Variants in SLC24A3 observed in about 807,000 individuals in gnomAD.
SLC24A3 encodes the protein sodium/potassium/calcium exchanger 3.
A neutral mutation model predicts 75.8 loss-of-function variants in SLC24A3; 28 were observed. The ratio of observed to expected loss-of-function variants is 0.37; its 90% CI spans 0.27 to 0.51. The LOEUF is 0.51. Among genes scored for constraint, SLC24A3 ranks in the 20% least tolerant of loss-of-function variants. SLC24A3 has a pLI of 0.94. For missense variants in SLC24A3, 663 were observed against 847.8 expected, an observed-to-expected ratio of 0.78 and a Z score of 2.71; for synonymous variants, 372 against 334.1, an observed-to-expected ratio of 1.11 and a Z score of -1.24.
chr20:19,515,117 G>A (rs1358113159), intron 2 of SLC24A3, among the ~76,000 whole-genome samples: 2 of 152,234 alleles, frequency 1.3e-5, no homozygotes, highest in African/African-American at 4.8e-5. Flanking sequence ...AGCTGTCAAA[G>A]TATTAGAAAA....
chr20:19,406,926 C>T (rs936050337), intron 2 of SLC24A3, among the ~76,000 whole-genome samples: 2 of 152,106 alleles, frequency 1.3e-5, no homozygotes, highest in African/African-American at 4.8e-5. Context: ...GGGAGGGGTC[C>T]AGTAAGAGAA....
rs181879175 is a variant in SLC24A3 at position 19,350,191 on chromosome 20, A to G, written c.271+69104A>G. On this transcript the variant is annotated intron_variant, in intron 2 of 16. Transcript: ENST00000328041. ...GGGAGTTTATATATGAATAATGGGAAATAACTTTTTTATGTGATATTTCAT... is the reference window on the plus strand; with the variant it reads ...GGGAGTTTATATATGAATAATGGGAGATAACTTTTTTATGTGATATTTCAT... Among the ~76,000 whole-genome samples the G allele has an allele frequency of 1.2e-4, 19 of 152,304 alleles. No homozygotes were observed. In the East Asian group the frequency reaches 3.7e-3, roughly 29 times the overall value.
intron 3 of SLC24A3, among the ~76,000 whole-genome samples, chr20:19,539,266 T>C (rs2030455179): frequency 6.6e-6 from 1 of 152,222 alleles, no homozygotes; most frequent in Non-Finnish European, 1.5e-5. Context: ...GTGTTGCTGG[T>C]GACATGGCAG....
intron 2 of SLC24A3, among the ~76,000 whole-genome samples, chr20:19,482,103 G>C (rs375680239): frequency 2.0e-5 from 3 of 152,204 alleles, no homozygotes; most frequent in East Asian, 3.9e-4. Context: ...CAGCCAGAAT[G>C]ATCCTTCAAG....
intron 2 of SLC24A3, among the ~76,000 whole-genome samples, chr20:19,434,285 G>T (rs73900114): frequency 0.027 from 4,167 of 152,264 alleles, 167 homozygotes; most frequent in East Asian, 0.1. Context: ...GCATCCATCA[G>T]CCCCTTTTGA....
At chr20:19,358,248 G>A (rs1020349058) in intron 2 of SLC24A3, among the ~76,000 whole-genome samples, 1 of 152,202 alleles carries the variant, frequency 6.6e-6, no homozygotes, top group African/African-American at 2.4e-5. Context: ...AAGGAGGTGA[G>A]TGAGTGACCT....
chr20:19,572,089 C>A (rs557027784), intron 3 of SLC24A3, among the ~76,000 whole-genome samples: 1 of 152,290 alleles, frequency 6.6e-6, no homozygotes, highest in Admixed American at 6.5e-5. Flanking sequence ...GTAATCCCAG[C>A]AACTCAGAAG....
intron 6 of SLC24A3, among the ~76,000 whole-genome samples, chr20:19,632,793 G>A (rs1486378615): frequency 6.6e-6 from 1 of 152,108 alleles, no homozygotes. Flanking sequence ...ATGCTGAAAG[G>A]CTCTAGGCAC....
At chr20:19,567,683 A>G (rs770544447) in intron 3 of SLC24A3, among the ~76,000 whole-genome samples, 19 of 152,332 alleles carry the variant, frequency 1.2e-4, no homozygotes, top group East Asian at 9.6e-4. Context: ...TAAACTTTCT[A>G]ACCAAATCCA....
chr20:19,624,533 A>G (rs1017956182), intron 6 of SLC24A3, among the ~76,000 whole-genome samples: 5 of 152,150 alleles, frequency 3.3e-5, no homozygotes, highest in African/African-American at 7.2e-5. Context: ...AAGTCTTCTC[A>G]TGGTGATGGC....
intron 15 of SLC24A3, among the ~76,000 whole-genome samples, chr20:19,702,648 T>C (rs570240642): frequency 6.6e-6 from 1 of 151,868 alleles, no homozygotes; most frequent in African/African-American, 2.4e-5. Flanking sequence ...CATTTTATGC[T>C]GGGGATACAA....
At chr20:19,231,658 C>G (rs554092227) in intron 1 of SLC24A3, among the ~76,000 whole-genome samples, 1 of 152,172 alleles carries the variant, frequency 6.6e-6, no homozygotes, top group Non-Finnish European at 1.5e-5. Context: ...TTTAGCCCAG[C>G]AAGACTTCTG....
chr20:19,393,521 A>G (rs530033948), intron 2 of SLC24A3, among the ~76,000 whole-genome samples: 1 of 152,350 alleles, frequency 6.6e-6, no homozygotes, highest in South Asian at 2.1e-4. Flanking sequence ...TGCATACAGG[A>G]TCAACATACA....
intron 3 of SLC24A3, among the ~76,000 whole-genome samples, chr20:19,524,375 T>G (rs2030159478): frequency 6.6e-6 from 1 of 152,092 alleles, no homozygotes; most frequent in South Asian, 2.1e-4. Context: ...CTGGCCGGAG[T>G]TGACCTGCAA....
intron 4 of SLC24A3, among the ~76,000 whole-genome samples, chr20:19,582,156 T>A (rs1272319093): frequency 6.6e-6 from 1 of 152,244 alleles, no homozygotes; most frequent in Non-Finnish European, 1.5e-5. Flanking sequence ...GTGGAATCAG[T>A]TCTCCCTGGA....
rs566418624 is a variant in SLC24A3, at chr20:19,367,286, C to T, written c.271+86199C>T. On this transcript the variant is annotated intron_variant, in intron 2 of 16. Coordinates refer to ENST00000328041, the MANE Select transcript of SLC24A3 (RefSeq NM_020689.4). ...TCCTCTGGATAGTGGTCACAGGAGC[C>T]GATTGGCTCCCCAAAGAGGAGTTCC... 4.6e-5 allele frequency among the ~76,000 whole-genome samples: 7 copies of T among 152,284 alleles called. No homozygotes were observed. In the South Asian group the frequency reaches 1.0e-3, roughly 23 times the overall value.
At chr20:19,510,110 C>T (rs960291896) in intron 2 of SLC24A3, among the ~76,000 whole-genome samples, 1 of 152,208 alleles carries the variant, frequency 6.6e-6, no homozygotes, top group Non-Finnish European at 1.5e-5. Flanking sequence ...CCTCCCTAAA[C>T]GAAGCTGCTG....
chr20:19,706,410 G>A (rs2032930772), intron 15 of SLC24A3, among the ~76,000 whole-genome samples: 1 of 152,194 alleles, frequency 6.6e-6, no homozygotes, highest in South Asian at 2.1e-4. Flanking sequence ...GTGTGGCAGT[G>A]ATTGGGGGAT....
chr20:19,639,732 G>A (rs1328172134), intron 6 of SLC24A3, among the ~76,000 whole-genome samples: 3 of 152,242 alleles, frequency 2.0e-5, no homozygotes, highest in Non-Finnish European at 2.9e-5. Context: ...TGGAGTGGGT[G>A]GGAGGCTCAG....
Sources: allele counts gnomAD v4.1 joint callset (sites outside exome capture counted in the v4.1 genomes callset), GRCh38; gene constraint gnomAD v4.1.1; transcripts MANE v1.5; gene names NCBI Gene and HGNC (gene_info 2026-07-23, HGNC 2026-07-21).